MTHFD2L: variants seen among roughly 807,000 people sequenced by gnomAD.
The protein encoded by MTHFD2L is methylenetetrahydrofolate dehydrogenase (NADP+ dependent) 2 like, also known as bifunctional methylenetetrahydrofolate dehydrogenase/cyclohydrolase 2, mitochondrial.
In MTHFD2L, 29 loss-of-function variants were observed where a neutral mutation model predicts 34.9. The ratio of observed to expected loss-of-function variants is 0.83; its 90% CI spans 0.62 to 1.13. MTHFD2L has a LOEUF of 1.13. MTHFD2L is among the 50% of genes most tolerant of loss of function. The probability of loss-of-function intolerance (pLI) is 0.00; values close to 1 mark genes in which losing one functional copy is unlikely to be tolerated. For missense variants in MTHFD2L, 481 were observed against 446.5 expected, an observed-to-expected ratio of 1.08 and a Z score of -0.70; for synonymous variants, 167 against 155.7, an observed-to-expected ratio of 1.07 and a Z score of -0.54.
chr4:74,276,968 T>A (rs947059844), intron 6 of MTHFD2L, among the ~76,000 whole-genome samples: 10 of 151,998 alleles, frequency 6.6e-5, no homozygotes, highest in African/African-American at 2.4e-4. Flanking sequence ...AATGTTTAAA[T>A]CATAGAATTG....
At chr4:74,194,682 A>T (rs775267978) in intron 3 of MTHFD2L, 1 of 152,186 alleles carries the variant, frequency 6.6e-6, no homozygotes, top group African/African-American at 2.4e-5. Context: ...TGTGAACTAT[A>T]ACAAGTAGAG....
chr4:74,240,849 A>G (rs1053824926), intron 6 of MTHFD2L, among the ~76,000 whole-genome samples: 18 of 152,222 alleles, frequency 1.2e-4, no homozygotes, highest in Non-Finnish European at 2.5e-4. Context: ...GAGCATGGAA[A>G]CAATGTATTA....
At chr4:74,172,996 C>T (rs922685480) in intron 1 of MTHFD2L, among the ~76,000 whole-genome samples, 6 of 152,106 alleles carry the variant, frequency 3.9e-5, no homozygotes, top group African/African-American at 1.2e-4. Context: ...GTACAGATAC[C>T]ACAAAGAATT....
At position 74,201,287 on chromosome 4, in the gene MTHFD2L, T is replaced by C; in HGVS notation, c.629T>C (p.Val210Ala). 6.2e-7 allele frequency: 1 copy of C among 1,613,578 alleles called. No individual in the cohort carries two copies. Among genetic ancestry groups the C allele is most frequent in the Non-Finnish European group, 8.5e-7 (1 of 1,179,708 alleles). The change falls in exon 5 of 8, where the codon GTG becomes GCG. Residue 210 changes from valine to alanine, a missense_variant. Coordinates refer to ENST00000325278, the MANE Select transcript of MTHFD2L (RefSeq NM_001144978.3). Reference protein sequence around the residue: ...RTGIQTFGKNVVVAGRSKNVG... With the variant: ...RTGIQTFGKNAVVAGRSKNVG... Reference sequence around the variant, plus strand: ...GGAATTCAAACATTTGGAAAAAATGTGGTTGTGGCTGGAAGATCCAAGAAC... The same window carrying C: ...GGAATTCAAACATTTGGAAAAAATGCGGTTGTGGCTGGAAGATCCAAGAAC...
intron 7 of MTHFD2L, among the ~76,000 whole-genome samples, chr4:74,291,991 C>T (rs1749024054): frequency 6.6e-6 from 1 of 152,088 alleles, no homozygotes; most frequent in African/African-American, 2.4e-5. Flanking sequence ...ATACTTTAAC[C>T]CAGAGGTAAC....
chr4:74,138,379 A>G (rs934265893), intron 1 of MTHFD2L, among the ~76,000 whole-genome samples: 2 of 152,144 alleles, frequency 1.3e-5, no homozygotes, highest in Non-Finnish European at 2.9e-5. Context: ...CCAATACGGC[A>G]GCAAACCTTT....
At chr4:74,218,025 T>C (rs1737489269) in intron 5 of MTHFD2L, among the ~76,000 whole-genome samples, 1 of 152,184 alleles carries the variant, frequency 6.6e-6, no homozygotes, top group South Asian at 2.1e-4. Flanking sequence ...CCTTCTAACA[T>C]GGAACCTAGC....
intron 7 of MTHFD2L, among the ~76,000 whole-genome samples, chr4:74,284,161 T>A (rs1747847786): frequency 6.6e-6 from 1 of 152,088 alleles, no homozygotes; most frequent in Non-Finnish European, 1.5e-5. Context: ...TAGGTAACAT[T>A]GATGGGAATG....
intron 6 of MTHFD2L, among the ~76,000 whole-genome samples, chr4:74,264,704 A>C (rs1745081204): frequency 6.6e-6 from 1 of 152,082 alleles, no homozygotes; most frequent in East Asian, 1.9e-4. Flanking sequence ...CAAACTTAAA[A>C]AAAAAGACTT....
intron 6 of MTHFD2L, among the ~76,000 whole-genome samples, chr4:74,229,365 T>C (rs989669063): frequency 6.6e-6 from 1 of 152,008 alleles, no homozygotes; most frequent in Non-Finnish European, 1.5e-5. Flanking sequence ...CAAATAGCAG[T>C]GGGTATTTAA....
At chr4:74,115,398 C>G (rs1490658004) in intron 2 of MTHFD2L, among the ~76,000 whole-genome samples, 1 of 152,212 alleles carries the variant, frequency 6.6e-6, no homozygotes. Flanking sequence ...CAGTGTTCTT[C>G]TGTCGCCATA....
Position 74,218,136 on chromosome 4 carries a change from AT to A in MTHFD2L, c.713-7156del, listed in dbSNP as rs766333038. 9.7e-4 allele frequency among the ~76,000 whole-genome samples: 145 copies of A among 149,574 alleles called. 1 individual carries two copies. The highest frequency in any genetic ancestry group is 5.3e-3 in the East Asian group (27 of 5,134). ...CATGATTCTGGTATGTTTTCTATACATTTTTTTTTTAGTCATGATTTTTAGT... is the reference window on the plus strand; with the variant it reads ...CATGATTCTGGTATGTTTTCTATACATTTTTTTTTAGTCATGATTTTTAGT... On this transcript the variant is annotated intron_variant, in intron 5 of 7. Transcript: ENST00000325278.
At chr4:74,204,750 T>C (rs1735010349) in intron 5 of MTHFD2L, among the ~76,000 whole-genome samples, 2 of 152,312 alleles carry the variant, frequency 1.3e-5, no homozygotes, top group African/African-American at 4.8e-5. Context: ...AATTTTAAAC[T>C]AGGTTATCCT....
In MTHFD2L at chr4:74,302,927, T is replaced by C. The variant is rs1431498156; in HGVS notation, c.*1118T>C. On this transcript the variant is annotated 3_prime_UTR_variant, in exon 8 of 8. Transcript: ENST00000325278. ...GTCTATTTTGAGACTGCTAAAGCTATTAATTGATACTGTGTTTTTATGCCC... is the reference window on the plus strand; with the variant it reads ...GTCTATTTTGAGACTGCTAAAGCTACTAATTGATACTGTGTTTTTATGCCC... The C allele has an allele frequency of 6.6e-6, 1 of 152,120 alleles. No homozygotes were observed. The highest frequency in any genetic ancestry group is 1.5e-5 in the Non-Finnish European group (1 of 67,980). 9.4% of individuals were successfully genotyped at this position (152,120 alleles called of 1,614,324 possible).
intron 6 of MTHFD2L, among the ~76,000 whole-genome samples, chr4:74,251,972 G>T (rs1296784698): frequency 6.6e-6 from 1 of 152,230 alleles, no homozygotes; most frequent in Non-Finnish European, 1.5e-5. Context: ...TGTGAAGCTA[G>T]TCCACAGGCA....
upstream of MTHFD2L, chr4:74,156,509 G>A (rs926955543): frequency 5.3e-5 from 8 of 152,162 alleles, no homozygotes; most frequent in Non-Finnish European, 1.2e-4. Flanking sequence ...GAATAAAGAT[G>A]CTATAAACAT....
intron 6 of MTHFD2L, among the ~76,000 whole-genome samples, chr4:74,225,998 CT>C (rs898836555): frequency 6.6e-6 from 1 of 150,920 alleles, no homozygotes; most frequent in Non-Finnish European, 1.5e-5. Flanking sequence ...GATACAACAA[CT>C]TTTTTTTTAA....
upstream of MTHFD2L, among the ~76,000 whole-genome samples, chr4:74,122,264 G>A (rs1053997435): frequency 5.9e-5 from 9 of 152,158 alleles, no homozygotes; most frequent in Admixed American, 3.9e-4. Flanking sequence ...AATTCTGCAG[G>A]CTGTACAGGA....
chr4:74,222,023 A>G (rs2367549), intron 5 of MTHFD2L, among the ~76,000 whole-genome samples: 7,135 of 151,944 alleles, frequency 0.047, 238 homozygotes, highest in Non-Finnish European at 0.069. Context: ...TGAAAAATAT[A>G]TATTTTTTTA....
Sources: gnomAD v4.1 joint callset for allele counts (sites outside exome capture counted in the v4.1 genomes callset) on GRCh38, gnomAD v4.1.1 for gene constraint, MANE v1.5 for transcripts, NCBI Gene and HGNC (gene_info 2026-07-23, HGNC 2026-07-21) for gene names.